Variants in MYO9A observed in about 807,000 individuals in gnomAD.
The protein encoded by MYO9A is myosin IXA.
MYO9A carries 103 observed loss-of-function variants against 293.3 expected under a neutral mutation model. That is an observed-to-expected ratio of 0.35 (90% confidence interval 0.30 to 0.41). The LOEUF (loss-of-function observed/expected upper bound fraction) is 0.41. Ranked by LOEUF, MYO9A falls within the 10% of genes least tolerant of loss-of-function variation. MYO9A has a pLI of 1.00. For missense variants in MYO9A, 2,685 were observed against 3,033.0 expected (o/e 0.89, Z 2.69); for synonymous variants, 1,001 against 1,035.7 (o/e 0.97, Z 0.64).
At chr15:72,032,618 C>A in intron 2 of MYO9A, 30 bp from the exon 3 acceptor site, 3 of 1,521,750 alleles carry the variant, frequency 2.0e-6, no homozygotes, top group South Asian at 1.3e-5. Context: ...TCATTAGTTT[C>A]ACTAAAAAAA....
intron 19 of MYO9A, among the ~76,000 whole-genome samples, chr15:71,908,783 T>C (rs2057748965): frequency 1.3e-5 from 2 of 152,220 alleles, no homozygotes; most frequent in South Asian, 4.1e-4. Flanking sequence ...CAGTCCATAA[T>C]ATGCATTAGG....
chr15:71,969,603 T>G (rs966359146), intron 12 of MYO9A, among the ~76,000 whole-genome samples: 13 of 152,206 alleles, frequency 8.5e-5, no homozygotes, highest in African/African-American at 3.1e-4. Flanking sequence ...GGATGCTCAC[T>G]TCGTCGTCTC....
chr15:71,903,169 G>A (rs1471975335), intron 21 of MYO9A, 106 bp from the exon 22 acceptor site: 2 of 963,592 alleles, frequency 2.1e-6, no homozygotes, highest in African/African-American at 1.7e-5. Flanking sequence ...TTTAAACAGG[G>A]TGAAACCAAG....
At chr15:72,061,244 T>C (rs1356781895) in intron 1 of MYO9A, among the ~76,000 whole-genome samples, 1 of 152,162 alleles carries the variant, frequency 6.6e-6, no homozygotes, top group African/African-American at 2.4e-5. Flanking sequence ...ACTTCAGATG[T>C]AACCCAGTGC....
At chr15:71,868,648 G>A (rs2056413372) in intron 32 of MYO9A, among the ~76,000 whole-genome samples, 1 of 152,046 alleles carries the variant, frequency 6.6e-6, no homozygotes, top group Non-Finnish European at 1.5e-5. Flanking sequence ...TGAATATATT[G>A]TTCAATGATA....
Position 72,056,715 on chromosome 15 carries a change from C to A in MYO9A, c.-71-10081G>T, listed in dbSNP as rs7173654. Among the ~76,000 whole-genome samples the A allele has an allele frequency of 5.3e-3, 809 of 152,344 alleles. 9 individuals carry two copies. Among genetic ancestry groups the A allele is most frequent in the African/African-American group, 0.019 (771 of 41,574 alleles). ...CTCAGCTGGGCGCAGTGGCTCACGC[C>A]TGTTAATCCCAGTACTTTGGGAGGT... On this transcript the variant is annotated intron_variant, in intron 1 of 41. Coordinates refer to ENST00000356056, the MANE Select transcript of MYO9A (RefSeq NM_006901.4).
At chr15:71,986,619 C>T (rs2076413235) in intron 11 of MYO9A, among the ~76,000 whole-genome samples, 1 of 152,106 alleles carries the variant, frequency 6.6e-6, no homozygotes, top group Non-Finnish European at 1.5e-5. Context: ...TACATGCTAA[C>T]ATGTATGTAT....
intron 39 of MYO9A, among the ~76,000 whole-genome samples, chr15:71,832,936 T>C (rs966958515): frequency 1.3e-5 from 2 of 152,208 alleles, no homozygotes; most frequent in Middle Eastern, 3.4e-3. Context: ...CAAATACTGA[T>C]AGATCACAGA....
chr15:71,832,164 T>C (rs1454022808), intron 39 of MYO9A, among the ~76,000 whole-genome samples: 1 of 152,022 alleles, frequency 6.6e-6, no homozygotes, highest in Non-Finnish European at 1.5e-5. Context: ...GTAGTCCCAG[T>C]ACTCAGGATG....
chr15:71,946,132 T>G (rs935139927), intron 15 of MYO9A, among the ~76,000 whole-genome samples: 1 of 152,188 alleles, frequency 6.6e-6, no homozygotes, highest in Non-Finnish European at 1.5e-5. Context: ...TATTTCTATA[T>G]CCACCATTAC....
intron 18 of MYO9A, among the ~76,000 whole-genome samples, chr15:71,928,058 T>TATTATTATTA (rs2058373166): frequency 2.7e-4 from 1 of 3,712 alleles, no homozygotes; most frequent in African/African-American, 6.2e-4. Flanking sequence ...ATATATATAT[T>TATTATTATTA]TTTTTTTTTT....
chr15:71,991,845 C>T (rs760062729), intron 10 of MYO9A, among the ~76,000 whole-genome samples: 25 of 152,126 alleles, frequency 1.6e-4, no homozygotes, highest in Non-Finnish European at 3.2e-4. Context: ...CCTCTGCCAC[C>T]GGGGTTCATG....
intron 1 of MYO9A, among the ~76,000 whole-genome samples, chr15:72,082,132 T>TACTACACAAAGCAG (rs2079565252): frequency 6.6e-6 from 1 of 152,230 alleles, no homozygotes; most frequent in Non-Finnish European, 1.5e-5. Context: ...AGTATGGCCA[T>TACTACACAAAGCAG]TTTAACAAAC....
chr15:72,063,367 G>A lies in MYO9A; in HGVS notation c.-71-16733C>T, dbSNP rs556293079. ...AGATTTGTTGAGTAATACCCCAAAA[G>A]CACAGGAAACCAAAGCAAAAATGGA... On this transcript the variant is annotated intron_variant, in intron 1 of 41. Coordinates refer to ENST00000356056, the MANE Select transcript of MYO9A (RefSeq NM_006901.4). 5.3e-5 allele frequency among the ~76,000 whole-genome samples: 8 copies of A among 152,218 alleles called. No homozygotes were observed. The South Asian group carries it at 1.2e-3, about 24-fold the overall frequency.
At chr15:71,955,667 G>T (rs2059160665) in intron 14 of MYO9A, among the ~76,000 whole-genome samples, 2 of 152,040 alleles carry the variant, frequency 1.3e-5, no homozygotes, top group African/African-American at 2.4e-5. Context: ...TTATATGTTT[G>T]TAACAGTTTT....
At chr15:71,831,349 G>A (rs2054718379) in intron 39 of MYO9A, among the ~76,000 whole-genome samples, 1 of 152,202 alleles carries the variant, frequency 6.6e-6, no homozygotes, top group African/African-American at 2.4e-5. Flanking sequence ...AGAGTTGATT[G>A]TTGAGACAGA....
At chr15:71,989,643 CCT>C (rs1469422451) in intron 11 of MYO9A, among the ~76,000 whole-genome samples, 4 of 152,038 alleles carry the variant, frequency 2.6e-5, no homozygotes, top group Non-Finnish European at 5.9e-5. Context: ...TTTCCAAACC[CCT>C]GTGTGAAAGA....
rs1234493070 is a variant in MYO9A at position 71,854,546 on chromosome 15, T to C, written c.6177A>G (p.Arg2059=). Residue 2059 remains arginine, a synonymous_variant, in exon 35 of 42, where the codon CGA becomes CGG. Transcript: ENST00000356056. ...SKKYDPELSS[R]QFGVELSRLT... Reference sequence around the variant, plus strand: ...AACGGGACAGTTCAACCCCAAATTGTCGAGATGACAGCTCTGGATCATACT... The same window carrying C: ...AACGGGACAGTTCAACCCCAAATTGCCGAGATGACAGCTCTGGATCATACT... The C allele has an allele frequency of 6.2e-7, 1 of 1,604,334 alleles. No individual in the cohort carries two copies. Among genetic ancestry groups the C allele is most frequent in the Non-Finnish European group, 8.5e-7 (1 of 1,176,790 alleles).
At chr15:71,843,861 A>G (rs1208283260) in intron 39 of MYO9A, among the ~76,000 whole-genome samples, 3 of 152,182 alleles carry the variant, frequency 2.0e-5, no homozygotes, top group African/African-American at 7.2e-5. Context: ...ATCAGTTCCC[A>G]TTCCCTATCA....
Sources: allele counts gnomAD v4.1 joint callset (sites outside exome capture counted in the v4.1 genomes callset), GRCh38; gene constraint gnomAD v4.1.1; transcripts MANE v1.5; gene names NCBI Gene and HGNC (gene_info 2026-07-23, HGNC 2026-07-21).